ALK: variants seen among roughly 807,000 people sequenced by gnomAD.
ALK encodes ALK receptor tyrosine kinase.
A neutral mutation model predicts 163.1 loss-of-function variants in ALK; 74 were observed. That is an observed-to-expected ratio of 0.45 (90% CI 0.38 to 0.55). ALK has a LOEUF of 0.55. ALK is among the 20% of genes least tolerant of loss of function. The pLI, the probability that ALK is intolerant of heterozygous loss-of-function variation, is 0.00. For synonymous variants in ALK, 960 were observed against 843.2 expected (o/e 1.14, Z -2.40); for missense variants, 2,063 against 2,105.3 (o/e 0.98, Z 0.39).
At chr2:29,566,699 A>T (rs985345959) in intron 3 of ALK, among the ~76,000 whole-genome samples, 2 of 152,240 alleles carry the variant, frequency 1.3e-5, no homozygotes, top group Admixed American at 1.3e-4. Context: ...CCAAAATATT[A>T]TAGGAAATAT....
chr2:29,251,173 C>T lies in ALK; in HGVS notation c.2136G>A (p.Val712=), dbSNP rs375095655. The change falls in exon 12 of 29, where the codon GTG becomes GTA. Residue 712 remains valine (V), a synonymous_variant. Transcript: ENST00000389048. The part of the protein sequence containing the change: ...NNAYQNSNLS[V]EVGSEGPLKG... Reference sequence around the variant, plus strand: ...TCAGGGGGCCCTCGCTCCCCACCTCCACGCTCAGGTTGGAGTTCTGGTAGG... The same window carrying T: ...TCAGGGGGCCCTCGCTCCCCACCTCTACGCTCAGGTTGGAGTTCTGGTAGG... 1 of 1,614,176 alleles carries T rather than the reference C, an allele frequency of 6.2e-7. No individual in the cohort carries two copies. Among genetic ancestry groups the T allele is most frequent in the Non-Finnish European group, 8.5e-7 (1 of 1,180,020 alleles).
At chr2:29,268,026 G>GA (rs1240137975) in intron 11 of ALK, among the ~76,000 whole-genome samples, 1 of 152,170 alleles carries the variant, frequency 6.6e-6, no homozygotes, top group African/African-American at 2.4e-5. Flanking sequence ...AAACAAATGA[G>GA]AAAAAACAAC....
intron 3 of ALK, among the ~76,000 whole-genome samples, chr2:29,612,654 G>A (rs1335623337): frequency 2.6e-5 from 4 of 152,110 alleles, no homozygotes; most frequent in Admixed American, 2.0e-4. Context: ...AGCCCTGAAC[G>A]ATCGCCCTCC....
intron 4 of ALK, among the ~76,000 whole-genome samples, chr2:29,400,073 T>C (rs79183971): frequency 0.012 from 1,772 of 152,294 alleles, 44 homozygotes; most frequent in African/African-American, 0.041. Context: ...GGGCATGGGC[T>C]CGGTGACAGG....
intron 1 of ALK, among the ~76,000 whole-genome samples, chr2:29,752,239 A>G (rs184812944): frequency 1.3e-5 from 2 of 152,214 alleles, no homozygotes; most frequent in African/African-American, 4.8e-5. Flanking sequence ...TTGCCCAACT[A>G]TAAACTTGTG....
chr2:29,778,167 C>T (rs575446499), intron 1 of ALK, among the ~76,000 whole-genome samples: 5 of 152,328 alleles, frequency 3.3e-5, no homozygotes, highest in African/African-American at 1.2e-4. Context: ...AAATCATTTG[C>T]ATTCACAGCA....
At chr2:29,251,537 ACCCAAAGGGAGG>A (rs1350579244) in intron 11 of ALK, among the ~76,000 whole-genome samples, 1 of 152,160 alleles carries the variant, frequency 6.6e-6, no homozygotes, top group African/African-American at 2.4e-5. Context: ...ACTATGAGAG[ACCCAAAGGGAGG>A]CCAGGACAGC....
chr2:29,757,578 C>T (rs1381345413), intron 1 of ALK, among the ~76,000 whole-genome samples: 3 of 136,236 alleles, frequency 2.2e-5, no homozygotes, highest in Admixed American at 1.6e-4. Context: ...GTGCAAGCAT[C>T]TTGTTTTTGT....
intron 3 of ALK, among the ~76,000 whole-genome samples, chr2:29,599,716 G>A (rs1331078292): frequency 1.3e-5 from 2 of 152,312 alleles, no homozygotes; most frequent in Middle Eastern, 3.4e-3. Flanking sequence ...AACTATTTAA[G>A]TGTAAAAAGA....
chr2:29,443,128 G>A (rs1445414638), intron 4 of ALK, among the ~76,000 whole-genome samples: 8 of 152,286 alleles, frequency 5.3e-5, no homozygotes, highest in East Asian at 3.9e-4. Context: ...CTAAACTTTC[G>A]CTTCTTGCAC....
At chr2:29,625,572 T>C (rs1190325029) in intron 3 of ALK, among the ~76,000 whole-genome samples, 3 of 152,224 alleles carry the variant, frequency 2.0e-5, no homozygotes, top group Admixed American at 1.3e-4. Context: ...CATGTGTCCC[T>C]TAATGAAGGG....
intron 1 of ALK, among the ~76,000 whole-genome samples, chr2:29,910,753 G>A (rs1667679591): frequency 6.6e-6 from 1 of 152,116 alleles, no homozygotes; most frequent in Non-Finnish European, 1.5e-5. Context: ...ATCTTTTTCT[G>A]AAATGAAAGC....
At chr2:29,417,645 T>C (rs975864594) in intron 4 of ALK, among the ~76,000 whole-genome samples, 2 of 152,248 alleles carry the variant, frequency 1.3e-5, no homozygotes, top group African/African-American at 4.8e-5. Context: ...CTATTTTTAC[T>C]GATAAAATAG....
intron 4 of ALK, among the ~76,000 whole-genome samples, chr2:29,456,254 T>C (rs78141619): frequency 0.021 from 3,187 of 152,230 alleles, 92 homozygotes; most frequent in African/African-American, 0.062. Context: ...GGGAGTCAAA[T>C]AGATATTTGT....
chr2:29,739,209 A>T (rs973315515), intron 1 of ALK, among the ~76,000 whole-genome samples: 1 of 146,754 alleles, frequency 6.8e-6, no homozygotes. Context: ...ACTGTACTAC[A>T]GCCTAGGCAA....
chr2:29,420,154 C>CT (rs1251813204), intron 4 of ALK, among the ~76,000 whole-genome samples: 1 of 33,044 alleles, frequency 3.0e-5, no homozygotes, highest in Non-Finnish European at 6.7e-5. Flanking sequence ...GAGACCCTGT[C>CT]TTAAAAAAAA....
chr2:29,681,627 C>T (rs1210519340), intron 3 of ALK, among the ~76,000 whole-genome samples: 1 of 152,160 alleles, frequency 6.6e-6, no homozygotes, highest in Non-Finnish European at 1.5e-5. Flanking sequence ...TCTGTCCTAT[C>T]TCCATTGGGA....
intron 9 of ALK, among the ~76,000 whole-genome samples, chr2:29,285,555 G>T (rs115878483): frequency 0.014 from 1,959 of 139,158 alleles, 48 homozygotes; most frequent in African/African-American, 0.047. Flanking sequence ...CATGGTGCCT[G>T]GCCCTCAGTG....
At chr2:29,816,069 A>G (rs1309046013) in intron 1 of ALK, among the ~76,000 whole-genome samples, 1 of 152,194 alleles carries the variant, frequency 6.6e-6, no homozygotes, top group Admixed American at 6.5e-5. Flanking sequence ...AAACTGCCTA[A>G]TTTCTTCCAC....
Sources: gnomAD v4.1 joint callset for allele counts (sites outside exome capture counted in the v4.1 genomes callset) on GRCh38, gnomAD v4.1.1 for gene constraint, MANE v1.5 for transcripts, NCBI Gene and HGNC (gene_info 2026-07-23, HGNC 2026-07-21) for gene names.